UNC80: variants seen among roughly 807,000 people sequenced by gnomAD.
UNC80 encodes unc-80 subunit of NALCN channel complex.
A neutral mutation model predicts 384.6 loss-of-function variants in UNC80; 164 were observed. The observed-to-expected ratio is 0.43, with a 90% CI of 0.38 to 0.49. UNC80 has a LOEUF of 0.49. UNC80 is among the 20% of genes least tolerant of loss of function. UNC80 has a pLI of 0.00. For synonymous variants in UNC80, 1,486 were observed against 1,527.8 expected (o/e 0.97, Z 0.64); for missense variants, 3,330 against 4,143.0 (o/e 0.80, Z 5.39).
At chr2:209,920,103 A>G (rs185770364) in intron 33 of UNC80, among the ~76,000 whole-genome samples, 77 of 152,256 alleles carry the variant, frequency 5.1e-4, no homozygotes, top group Non-Finnish European at 9.7e-4. Context: ...CAGGAGGTGG[A>G]GGTTGCAATG....
At chr2:209,940,368 A>G (rs745760151) in intron 43 of UNC80, among the ~76,000 whole-genome samples, 8 of 152,226 alleles carry the variant, frequency 5.3e-5, no homozygotes, top group Non-Finnish European at 1.2e-4. Context: ...TGAACTCTAA[A>G]GATCTGTGCA....
At chr2:209,957,886 A>C (rs1247768470) in intron 49 of UNC80, 150 bp downstream of exon 49, 12 of 718,082 alleles carry the variant, frequency 1.7e-5, no homozygotes, top group Non-Finnish European at 2.2e-5. Flanking sequence ...TTAGAGTTAC[A>C]AGAAAATACC....
rs1449753289 is a variant in UNC80 at position 209,933,905 on chromosome 2, G to A, written c.6078G>A (p.Glu2026=). 5 of 1,551,212 alleles carry A rather than the reference G, an allele frequency of 3.2e-6. No individual in the cohort carries two copies. The South Asian group carries it at 3.6e-5, about 11-fold the overall frequency. ...CAGCCACCCTGACATTCCTGTGGGA[G>A]GTGGTGGGTTACGTGGAGGGCCTCT... ...AISATLTFLW[E]VVGYVEGLFF... The change falls in exon 39 of 65, where the codon GAG becomes GAA. Residue 2026 remains glutamate, a synonymous_variant. Coordinates refer to ENST00000673920, the MANE Select transcript of UNC80 (RefSeq NM_001371986.1).
At chr2:209,799,373 T>G (rs2078388096) in intron 7 of UNC80, among the ~76,000 whole-genome samples, 1 of 152,176 alleles carries the variant, frequency 6.6e-6, no homozygotes, top group African/African-American at 2.4e-5. Context: ...GGCTCGCTGC[T>G]TACCTATTGT....
chr2:209,975,805 T>A (rs568820384), intron 56 of UNC80, among the ~76,000 whole-genome samples: 1 of 152,328 alleles, frequency 6.6e-6, no homozygotes, highest in South Asian at 2.1e-4. Context: ...TAGCCACACA[T>A]CATGTTTATG....
chr2:209,925,834 C>T (rs1017936120), intron 35 of UNC80, among the ~76,000 whole-genome samples: 4 of 151,848 alleles, frequency 2.6e-5, no homozygotes, highest in African/African-American at 9.7e-5. Flanking sequence ...AAAGCCCAGA[C>T]TGAGAATGAC....
rs560707432 is a variant in UNC80, at chr2:209,908,039, T to C, written c.4782+3074T>C. Reference sequence around the variant, plus strand: ...AGAGCTAAAAAGATGAATTGACTCCTCTGTGATAAACATTTTATTTGCAAA... The same window carrying C: ...AGAGCTAAAAAGATGAATTGACTCCCCTGTGATAAACATTTTATTTGCAAA... On this transcript the variant is annotated intron_variant, in intron 29 of 64. Transcript: ENST00000673920. Among the ~76,000 whole-genome samples the C allele has an allele frequency of 2.6e-5, 4 of 152,362 alleles. No individual in the cohort carries two copies. In the South Asian group the frequency reaches 8.3e-4, roughly 32 times the overall value.
At chr2:209,929,736 T>C (rs1014269751) in intron 36 of UNC80, 135 bp from the exon 37 acceptor site, 5 of 585,392 alleles carry the variant, frequency 8.5e-6, no homozygotes, top group Non-Finnish European at 8.6e-6. Flanking sequence ...AACACCTACG[T>C]TGCAAAAGAA....
intron 22 of UNC80, 74 bp downstream of exon 22, chr2:209,849,697 C>G: frequency 7.1e-7 from 1 of 1,404,038 alleles, no homozygotes; most frequent in Non-Finnish European, 9.6e-7. Flanking sequence ...AAGCATGATT[C>G]CCCAATTGTA....
intron 22 of UNC80, among the ~76,000 whole-genome samples, chr2:209,870,631 T>A (rs967267066): frequency 6.6e-6 from 1 of 152,206 alleles, no homozygotes; most frequent in South Asian, 2.1e-4. Flanking sequence ...ATTTTTCATG[T>A]TGTGGTAATA....
intron 15 of UNC80, among the ~76,000 whole-genome samples, chr2:209,830,604 C>T (rs926447360): frequency 6.6e-6 from 1 of 152,134 alleles, no homozygotes; most frequent in Non-Finnish European, 1.5e-5. Context: ...GTGAATCAGC[C>T]AGGCAGACAT....
At position 209,978,591 on chromosome 2, in the gene UNC80, T is replaced by C; in HGVS notation, c.9001T>C (p.Leu3001=). The C allele has an allele frequency of 6.4e-7, 1 of 1,551,514 alleles. No homozygotes were observed. Among genetic ancestry groups the C allele is most frequent in the Middle Eastern group, 1.7e-4 (1 of 5,992 alleles). ...GTSTSAYRLS[L]ATMSRSNTGT... is the part of the protein sequence containing the mutation. ...CTCCACCTCTGCTTACCGCCTGAGC[T>C]TGGCCACCATGTCCCGCTCTAACAC... Residue 3001 remains leucine (L), a synonymous_variant, in exon 59 of 65, where the codon TTG becomes CTG. Coordinates refer to ENST00000673920, the MANE Select transcript of UNC80 (RefSeq NM_001371986.1).
chr2:209,864,233 C>T (rs1021300656), intron 22 of UNC80, among the ~76,000 whole-genome samples: 25 of 152,042 alleles, frequency 1.6e-4, no homozygotes, highest in African/African-American at 6.0e-4. Context: ...CCTTCTGGGA[C>T]CTCTGACCTC....
At position 209,773,150 on chromosome 2, in the gene UNC80, A is replaced by G. The variant is rs755763778; in HGVS notation, c.141+8A>G. The G allele has an allele frequency of 6.2e-7, 1 of 1,611,834 alleles. No individual in the cohort carries two copies. The highest frequency in any genetic ancestry group is 1.1e-5 in the South Asian group (1 of 90,750). On this transcript the variant is annotated splice_region_variant and intron_variant, in intron 2 of 64. Coordinates refer to ENST00000673920, the MANE Select transcript of UNC80 (RefSeq NM_001371986.1). ...TATGAAGCTTCTTGTGTGGTATGTG[A>G]TTTTCACCATTTAATAATTATTTCC...
intron 29 of UNC80, among the ~76,000 whole-genome samples, chr2:209,906,231 G>A (rs2088189667): frequency 6.6e-6 from 1 of 151,990 alleles, no homozygotes; most frequent in African/African-American, 2.4e-5. Context: ...TTATACCTTA[G>A]TGCTCACAAA....
At chr2:209,844,026 C>T (rs2081954598) in intron 21 of UNC80, among the ~76,000 whole-genome samples, 2 of 152,234 alleles carry the variant, frequency 1.3e-5, no homozygotes, top group East Asian at 1.9e-4. Flanking sequence ...CGAGGGCAAA[C>T]ATCAAGTTTA....
At chr2:209,808,713 C>T in intron 7 of UNC80, 4 of 107,084 alleles carry the variant, frequency 3.7e-5, no homozygotes, top group Non-Finnish European at 7.9e-5. Flanking sequence ...GTTGGCGGAG[C>T]GGCTGCACTC....
In UNC80 at chr2:209,849,554, ATTTCTGT is replaced by A; in HGVS notation, c.3560_3566del (p.Phe1187Ter). 1 of 1,550,902 alleles carries A rather than the reference ATTTCTGT, an allele frequency of 6.4e-7. No homozygotes were observed. Among genetic ancestry groups the A allele is most frequent in the Non-Finnish European group, 8.7e-7 (1 of 1,146,524 alleles). ...TCCGACAAGGCATGAAACGCTTCCAATTTCTGTTAAACTGCTGTGAGCCAGGGACAAT... is the reference window on the plus strand; with the variant it reads ...TCCGACAAGGCATGAAACGCTTCCAATAAACTGCTGTGAGCCAGGGACAAT... On this transcript the variant is annotated frameshift_variant, in exon 22 of 65. Transcript: ENST00000673920. LOFTEE classifies it high-confidence loss of function.
intron 51 of UNC80, among the ~76,000 whole-genome samples, chr2:209,960,387 T>A (rs1277930645): frequency 6.6e-6 from 1 of 152,248 alleles, no homozygotes; most frequent in Non-Finnish European, 1.5e-5. Flanking sequence ...AAATTCATGC[T>A]AAAGGCCGTA....
Sources: allele counts gnomAD v4.1 joint callset (sites outside exome capture counted in the v4.1 genomes callset), GRCh38; gene constraint gnomAD v4.1.1; transcripts MANE v1.5; gene names NCBI Gene and HGNC (gene_info 2026-07-23, HGNC 2026-07-21).